The following HEATR6 variants were observed in gnomAD, a reference collection of about 807,000 sequenced individuals.
HEATR6 encodes HEAT repeat-containing protein 6.
Under a neutral mutation model 132.8 loss-of-function variants are expected in HEATR6, and 106 were observed. The ratio of observed to expected loss-of-function variants is 0.80; its 90% CI spans 0.68 to 0.94. HEATR6 has a LOEUF of 0.94. HEATR6 is among the 40% of genes least tolerant of loss of function. HEATR6 has a pLI of 0.00. For missense variants in HEATR6, 1,339 were observed against 1,425.1 expected (o/e 0.94, Z 0.97); for synonymous variants, 529 against 537.8 (o/e 0.98, Z 0.23).
Position 60,056,052 on chromosome 17 carries a change from G to A in HEATR6, c.2202+63C>T, listed in dbSNP as rs1906733723. 7.1e-6 allele frequency: 11 copies of A among 1,546,086 alleles called. No individual in the cohort carries two copies. In the South Asian group the frequency reaches 1.3e-4, roughly 18 times the overall value. Reference sequence around the variant, plus strand: ...GTGAAGAAAAGGAAGGATATAAAGTGAAGAAAAGGAAGGATATAAAGTGAA... The same window carrying A: ...GTGAAGAAAAGGAAGGATATAAAGTAAAGAAAAGGAAGGATATAAAGTGAA... On this transcript the variant is annotated intron_variant, in intron 13 of 19. Coordinates refer to ENST00000184956, the MANE Select transcript of HEATR6 (RefSeq NM_022070.5).
At chr17:60,071,756 T>A (rs1162057235) in intron 5 of HEATR6, among the ~76,000 whole-genome samples, 1 of 152,230 alleles carries the variant, frequency 6.6e-6, no homozygotes, top group Non-Finnish European at 1.5e-5. Context: ...CAGCACAAAT[T>A]GTCTTCAGTG....
intron 11 of HEATR6, among the ~76,000 whole-genome samples, chr17:60,058,986 A>G (rs983985972): frequency 6.6e-6 from 1 of 152,254 alleles, no homozygotes; most frequent in Non-Finnish European, 1.5e-5. Flanking sequence ...TTCATAGGAA[A>G]TAACAATAAA....
chr17:60,070,803 A>C lies in HEATR6; in HGVS notation c.704T>G (p.Leu235Trp), dbSNP rs1193465137. 1 of 1,566,030 alleles carries C rather than the reference A, an allele frequency of 6.4e-7. No homozygotes were observed. The highest frequency in any genetic ancestry group is 1.1e-5 in the South Asian group (1 of 90,022). The change falls in exon 6 of 20, where the codon TTG (leucine) becomes TGG (tryptophan). Residue 235 changes from leucine (L) to tryptophan (W), a missense_variant. Transcript: ENST00000184956. ...DMDDITFCML[L>W]QNALKGIQSL... Reference sequence around the variant, plus strand: ...CTGTATACCTTTTAATGCATTTTGCAATAACTAGGGGGAAAAGGGAGACCC... The same window carrying C: ...CTGTATACCTTTTAATGCATTTTGCCATAACTAGGGGGAAAAGGGAGACCC...
chr17:60,049,664 C>A lies in HEATR6; in HGVS notation c.2463G>T (p.Gly821=). The A allele has an allele frequency of 1.2e-6, 2 of 1,613,680 alleles. No homozygotes were observed. The highest frequency in any genetic ancestry group is 8.5e-7 in the Non-Finnish European group (1 of 1,179,714). ...CTAAGCGATTCTTGCTGTCATTCAG[C>A]CCGAGCAGCACTGTGATGCACAGCA... is the stretch of plus-strand genomic sequence containing the variant. ...RQMLCITVLL[G]LNDSKNRLVK... Residue 821 remains glycine (G), a synonymous_variant, in exon 16 of 20, where the codon GGG becomes GGT. Transcript: ENST00000184956.
At position 60,070,675 on chromosome 17, in the gene HEATR6, A is replaced by G. The variant is rs780963621; in HGVS notation, c.801+31T>C. 6 of 1,266,038 alleles carry G rather than the reference A, an allele frequency of 4.7e-6. No homozygotes were observed. The Admixed American group carries it at 6.7e-5, about 14-fold the overall frequency. 78.4% of individuals were successfully genotyped at this position (1,266,038 alleles called of 1,614,324 possible). A position where few individuals can be genotyped will look rare whatever the true frequency, so the allele number is the denominator to read the frequency against. ...CCTTGTACCATGGGTTGAAACAGGA[A>G]AGACAATGATCATATGAAGACTTGC... is the stretch of plus-strand genomic sequence containing the variant. On this transcript the variant is annotated intron_variant, in intron 6 of 19. Coordinates refer to ENST00000184956, the MANE Select transcript of HEATR6 (RefSeq NM_022070.5).
intron 14 of HEATR6, among the ~76,000 whole-genome samples, chr17:60,054,300 A>C (rs1006920715): frequency 1.8e-4 from 27 of 152,242 alleles, no homozygotes; most frequent in African/African-American, 5.8e-4. Flanking sequence ...GCTTCCACCT[A>C]GATTTCAGAG....
rs1381930495 is a variant in HEATR6, at chr17:60,047,298, T to C, written c.2769+11A>G. On this transcript the variant is annotated intron_variant, in intron 18 of 19. Coordinates refer to ENST00000184956, the MANE Select transcript of HEATR6 (RefSeq NM_022070.5). ...CTGTTTGGGAGATACTGGGTTTTGT[T>C]GTGAGTCTACCTTGTCTTTATCCTT... is the stretch of plus-strand genomic sequence containing the variant. 12 of 1,571,724 alleles carry C rather than the reference T, an allele frequency of 7.6e-6. No individual in the cohort carries two copies. In the East Asian group the frequency reaches 2.7e-4, roughly 35 times the overall value.
rs918840467 is a variant in HEATR6, at chr17:60,043,021, C to T, written c.*542G>A. On this transcript the variant is annotated 3_prime_UTR_variant, in exon 20 of 20. Transcript: ENST00000184956. ...CTGTGAGGCACCGTCAGCATCCTCG[C>T]GTCCTGTGTGGCTGTGAGGCACCGT... 1.9e-5 allele frequency: 3 copies of T among 157,690 alleles called. No homozygotes were observed. Among genetic ancestry groups the T allele is most frequent in the African/African-American group, 1.0e-4 (3 of 29,922 alleles). 9.8% of individuals were successfully genotyped at this position (157,690 alleles called of 1,614,324 possible). A position where few individuals can be genotyped will look rare whatever the true frequency, so the allele number is the denominator to read the frequency against.
At chr17:60,048,482 C>CA in intron 16 of HEATR6, 94 bp from the exon 17 acceptor site, 1 of 1,203,440 alleles carries the variant, frequency 8.3e-7, no homozygotes, top group Non-Finnish European at 1.1e-6. Flanking sequence ...TAGAAGCCTT[C>CA]ATGCACATTT....
rs368238079 is a variant in HEATR6 at position 60,043,625 on chromosome 17, G to C, written c.3484C>G (p.Leu1162Val). The C allele has an allele frequency of 2.5e-5, 40 of 1,613,990 alleles. No individual in the cohort carries two copies. The highest frequency in any genetic ancestry group is 3.2e-5 in the Non-Finnish European group (38 of 1,180,024). The change falls in exon 20 of 20, where the codon CTG (leucine) becomes GTG (valine). Residue 1162 changes from leucine to valine, a missense_variant. By Grantham distance (32) the Leu-to-Val change is conservative. Transcript: ENST00000184956. ...RAIMGFLEEI[L>V]AVCFDSSGSQ... ...CCAGATGAGTCAAAACAAACGGCCA[G>C]GATCTCTTCTAAAAAGCCCATGATG...
chr17:60,070,695 A>T lies in HEATR6; in HGVS notation c.801+11T>A, dbSNP rs1209762170. 3 of 1,459,332 alleles carry T rather than the reference A, an allele frequency of 2.1e-6. No homozygotes were observed. Among genetic ancestry groups the T allele is most frequent in the Non-Finnish European group, 1.9e-6 (2 of 1,038,850 alleles). The allele number at this position is 1,459,332 out of a possible 1,614,324, so 90.4% of individuals were successfully genotyped here. A position where few individuals can be genotyped will look rare whatever the true frequency, so the allele number is the denominator to read the frequency against. ...CAGGAAAGACAATGATCATATGAAG[A>T]CTTGCCTTACCTTTAGCACAGCTAA... On this transcript the variant is annotated intron_variant, in intron 6 of 19. Coordinates refer to ENST00000184956, the MANE Select transcript of HEATR6 (RefSeq NM_022070.5).
intron 5 of HEATR6, 83 bp from the exon 6 acceptor site, chr17:60,070,890 G>C (rs181998890): frequency 2.6e-6 from 2 of 767,252 alleles, no homozygotes; most frequent in East Asian, 4.9e-5. Flanking sequence ...CACTTAGGAT[G>C]GAAGAGAGAC....
In HEATR6 at chr17:60,044,097, C is replaced by T; in HGVS notation, c.3012G>A (p.Leu1004=). The change falls in exon 20 of 20, where the codon CTG becomes CTA. Residue 1004 remains leucine, a synonymous_variant. Transcript: ENST00000184956. ...APWTSQAYNA[L]TSVVTSCKNF... is the part of the protein sequence containing the mutation. Reference sequence around the variant, plus strand: ...TCTTGCATGATGTCACGACCGATGTCAGGGCATTGTAGGCCTGGGAGGTCC... The same window carrying T: ...TCTTGCATGATGTCACGACCGATGTTAGGGCATTGTAGGCCTGGGAGGTCC... 6.2e-7 allele frequency: 1 copy of T among 1,613,304 alleles called. No individual in the cohort carries two copies. The highest frequency in any genetic ancestry group is 8.5e-7 in the Non-Finnish European group (1 of 1,179,570).
chr17:60,068,900 T>C (rs1418588395), intron 7 of HEATR6, among the ~76,000 whole-genome samples: 1 of 152,186 alleles, frequency 6.6e-6, no homozygotes, highest in African/African-American at 2.4e-5. Context: ...AGTTGTTTAT[T>C]TATCCATCTT....
intron 9 of HEATR6, among the ~76,000 whole-genome samples, chr17:60,064,980 C>T (rs1417240074): frequency 1.3e-5 from 2 of 152,168 alleles, no homozygotes; most frequent in African/African-American, 4.8e-5. Flanking sequence ...TCCACAGCAC[C>T]ATCTCGTTGG....
At chr17:60,074,729 G>A (rs753050768) in intron 2 of HEATR6, among the ~76,000 whole-genome samples, 1 of 152,186 alleles carries the variant, frequency 6.6e-6, no homozygotes, top group African/African-American at 2.4e-5. Context: ...TAACCCCCAA[G>A]GAACATTTGG....
Position 60,076,518 on chromosome 17 carries a change from TAGTG to T in HEATR6, c.220-285_220-282del. ...GAGTCCAAGACCAGCTTGGGCAACATAGTGAGACTCCATCTCTACAGAAAAAACT... is the reference window on the plus strand; with the variant it reads ...GAGTCCAAGACCAGCTTGGGCAACATAGACTCCATCTCTACAGAAAAAACT... On this transcript the variant is annotated intron_variant, in intron 1 of 19. Coordinates refer to ENST00000184956, the MANE Select transcript of HEATR6 (RefSeq NM_022070.5). The T allele has an allele frequency of 1.3e-5, 4 of 311,286 alleles. No individual in the cohort carries two copies. In the South Asian group the frequency reaches 1.7e-4, roughly 13 times the overall value. 19.3% of individuals were successfully genotyped at this position (311,286 alleles called of 1,614,324 possible).
At position 60,043,748 on chromosome 17, in the gene HEATR6, C is replaced by T. The variant is rs114316727; in HGVS notation, c.3361G>A (p.Ala1121Thr). 1 of 1,614,148 alleles carries T rather than the reference C, an allele frequency of 6.2e-7. No individual in the cohort carries two copies. Among genetic ancestry groups the T allele is most frequent in the Non-Finnish European group, 8.5e-7 (1 of 1,180,032 alleles). The change falls in exon 20 of 20, where the codon GCA becomes ACA. Residue 1121 changes from alanine to threonine, a missense_variant. Physicochemically the swap from Ala to Thr is moderately conservative, Grantham distance 58 (BLOSUM62 0). Coordinates refer to ENST00000184956, the MANE Select transcript of HEATR6 (RefSeq NM_022070.5). ...TCTCTTTCCTGTGGGCTGTGGGGTG[C>T]TCCAGTGTCATCTCCCTCTGCTCCT... ...KSGAEGDDTG[A>T]PHSPQERDQM...
rs890273684 is a variant in HEATR6 at position 60,060,222 on chromosome 17, T to C, written c.1417-126A>G. 4.7e-5 allele frequency: 32 copies of C among 680,220 alleles called. No individual in the cohort carries two copies. In the African/African-American group the frequency reaches 5.4e-4, roughly 12 times the overall value. 42.1% of individuals were successfully genotyped at this position (680,220 alleles called of 1,614,324 possible). On this transcript the variant is annotated intron_variant, in intron 9 of 19. Transcript: ENST00000184956. ...AATTGGAAGAATAAAGGCAATGGGA[T>C]TATCTGTTAGTTCCTAAAAACTAGG...
Sources: gnomAD v4.1 joint callset for allele counts (sites outside exome capture counted in the v4.1 genomes callset) on GRCh38, gnomAD v4.1.1 for gene constraint, MANE v1.5 for transcripts, NCBI Gene and HGNC (gene_info 2026-07-23, HGNC 2026-07-21) for gene names.